ATP6V1C1: variants seen among roughly 807,000 people sequenced by gnomAD.
ATP6V1C1 encodes the protein ATPase H+ transporting V1 subunit C1.
A neutral mutation model predicts 53.9 loss-of-function variants in ATP6V1C1; 45 were observed. The observed-to-expected ratio is 0.83, with a 90% CI of 0.66 to 1.07. The LOEUF (loss-of-function observed/expected upper bound fraction) is 1.07. Among genes scored for constraint, ATP6V1C1 ranks in the 50% least tolerant of loss-of-function variants. ATP6V1C1 has a pLI of 0.00. For synonymous variants in ATP6V1C1, 153 were observed against 155.2 expected (o/e 0.99, Z 0.11); for missense variants, 315 against 440.3 (o/e 0.72, Z 2.55).
chr8:103,042,465 A>G (rs113025588), intron 3 of ATP6V1C1, 58 bp downstream of exon 3: 10 of 1,535,880 alleles, frequency 6.5e-6, no homozygotes, highest in African/African-American at 5.5e-5. Context: ...ATCAGGCTTC[A>G]TGGACACTGG....
chr8:103,055,099 A>G (rs2131397821), intron 7 of ATP6V1C1, among the ~76,000 whole-genome samples: 1 of 152,240 alleles, frequency 6.6e-6, no homozygotes, highest in South Asian at 2.1e-4. Flanking sequence ...TGAAACACTG[A>G]TTATTTATAA....
In ATP6V1C1 at chr8:103,062,169, T is replaced by TTTTG. The variant is rs1817411963; in HGVS notation, c.642-783_642-782insGTTT. Among the ~76,000 whole-genome samples, 5 of 128,616 alleles carry TTTTG rather than the reference T, an allele frequency of 3.9e-5. No homozygotes were observed. In the South Asian group the frequency reaches 1.4e-3, roughly 36 times the overall value. 84.4% of individuals were successfully genotyped at this position (128,616 alleles called of 152,430 possible). On this transcript the variant is annotated intron_variant, in intron 8 of 12. Transcript: ENST00000518738. The stretch of plus-strand genomic sequence containing the variant: ...CAGTTGTGTTCATCAGGGTTTTTTT[T>TTTTG]TTTTTTTTTTTTTTTTTTTTTGACA...
At chr8:103,056,039 T>C in intron 8 of ATP6V1C1, 103 bp downstream of exon 8, 2 of 1,122,616 alleles carry the variant, frequency 1.8e-6, no homozygotes, top group Non-Finnish European at 2.6e-6. Flanking sequence ...TGTGATAAAT[T>C]AACCTCATGA....
rs1586328333 is a variant in ATP6V1C1 at position 103,063,395 on chromosome 8, T to A, written c.828+167T>A. 5.5e-6 allele frequency: 3 copies of A among 542,950 alleles called. No homozygotes were observed. In the East Asian group the frequency reaches 9.1e-5, roughly 16 times the overall value. The allele number at this position is 542,950 out of a possible 1,614,324, so 33.6% of individuals were successfully genotyped here. Reference sequence around the variant, plus strand: ...GAATGAATTTCCTCTAAAGCTTAACTGTTCTAGAGATAACTATTCTATTTC... The same window carrying A: ...GAATGAATTTCCTCTAAAGCTTAACAGTTCTAGAGATAACTATTCTATTTC... On this transcript the variant is annotated intron_variant, in intron 10 of 12. Coordinates refer to ENST00000518738, the MANE Select transcript of ATP6V1C1 (RefSeq NM_001695.5).
chr8:103,068,849 C>A lies in ATP6V1C1; in HGVS notation c.*102C>A, dbSNP rs770430487. ...TTTTAACTCTAGTATCCTTTGCTTG[C>A]TTCTTACGCCCTTTCCTAGGTGAAT... On this transcript the variant is annotated 3_prime_UTR_variant, in exon 13 of 13. Coordinates refer to ENST00000518738, the MANE Select transcript of ATP6V1C1 (RefSeq NM_001695.5). 1.0e-5 allele frequency: 9 copies of A among 902,262 alleles called. No individual in the cohort carries two copies. Among genetic ancestry groups the A allele is most frequent in the Non-Finnish European group, 1.4e-5 (9 of 623,284 alleles). 55.9% of individuals were successfully genotyped at this position (902,262 alleles called of 1,614,324 possible).
intron 8 of ATP6V1C1, among the ~76,000 whole-genome samples, chr8:103,061,368 C>T (rs1298187380): frequency 6.6e-6 from 1 of 152,212 alleles, no homozygotes; most frequent in Non-Finnish European, 1.5e-5. Context: ...CTGTGATTAA[C>T]ACTGTAATTG....
chr8:103,071,070 C>T lies in ATP6V1C1; in HGVS notation c.*2323C>T, dbSNP rs1817579025. ...ATCCAGATCCACATCATTGTAGAGT[C>T]TGAGGGTTAGAAGGAAGTCATTGTG... On this transcript the variant is annotated 3_prime_UTR_variant, in exon 13 of 13. Coordinates refer to ENST00000518738, the MANE Select transcript of ATP6V1C1 (RefSeq NM_001695.5). 6.6e-6 allele frequency: 1 copy of T among 152,210 alleles called. No homozygotes were observed. Among genetic ancestry groups the T allele is most frequent in the African/African-American group, 2.4e-5 (1 of 41,434 alleles). 9.4% of individuals were successfully genotyped at this position (152,210 alleles called of 1,614,324 possible).
At chr8:103,053,000 T>A (rs761646278) in intron 6 of ATP6V1C1, among the ~76,000 whole-genome samples, 178 bp downstream of exon 6, 6 of 151,982 alleles carry the variant, frequency 3.9e-5, no homozygotes, top group Non-Finnish European at 5.9e-5. Flanking sequence ...TTCAGACTAG[T>A]CCAAACAGAT....
At chr8:103,059,252 T>C (rs1817349470) in intron 8 of ATP6V1C1, among the ~76,000 whole-genome samples, 1 of 152,144 alleles carries the variant, frequency 6.6e-6, no homozygotes, top group Admixed American at 6.5e-5. Flanking sequence ...TCAGTACCAC[T>C]TCAACCACAC....
rs35259661 is a variant in ATP6V1C1 at position 103,030,767 on chromosome 8, T to TG, written c.-40+9550dup. ...CAGAGAAATAAACACCAGAAACTTA[T>TG]GGGGGGGGTCTCTGCAGGAGATCTA... On this transcript the variant is annotated intron_variant, in intron 1 of 12. Coordinates refer to ENST00000518738, the MANE Select transcript of ATP6V1C1 (RefSeq NM_001695.5). 6.2e-3 allele frequency among the ~76,000 whole-genome samples: 947 copies of TG among 151,738 alleles called. 2 individuals are homozygous for TG. Among genetic ancestry groups the TG allele is most frequent in the East Asian group, 0.014 (73 of 5,166 alleles).
At chr8:103,045,799 G>A (rs912971457) in intron 3 of ATP6V1C1, among the ~76,000 whole-genome samples, 1 of 152,120 alleles carries the variant, frequency 6.6e-6, no homozygotes, top group African/African-American at 2.4e-5. Context: ...AAATTATCCA[G>A]GTGTGGTGGC....
At position 103,068,814 on chromosome 8, in the gene ATP6V1C1, A is replaced by G. The variant is rs866406543; in HGVS notation, c.*67A>G. On this transcript the variant is annotated 3_prime_UTR_variant, in exon 13 of 13. Coordinates refer to ENST00000518738, the MANE Select transcript of ATP6V1C1 (RefSeq NM_001695.5). ...TGTGCTAACAGAAATAAGTTGCAGT[A>G]TGGTCGTACTTTTAACTCTAGTATC... is the stretch of plus-strand genomic sequence containing the variant. 1 of 1,405,660 alleles carries G rather than the reference A, an allele frequency of 7.1e-7. No individual in the cohort carries two copies. The highest frequency in any genetic ancestry group is 1.3e-5 in the South Asian group (1 of 79,574). The allele number at this position is 1,405,660 out of a possible 1,614,324, so 87.1% of individuals were successfully genotyped here.
intron 8 of ATP6V1C1, among the ~76,000 whole-genome samples, chr8:103,059,100 C>T (rs989151531): frequency 1.3e-5 from 2 of 151,902 alleles, no homozygotes; most frequent in Non-Finnish European, 2.9e-5. Context: ...ATGGATGCTT[C>T]ACAGAGGTTT....
rs1372267961 is a variant in ATP6V1C1 at position 103,055,765 on chromosome 8, A to G, written c.573-103A>G. 8.4e-6 allele frequency: 9 copies of G among 1,068,686 alleles called. No individual in the cohort carries two copies. The South Asian group carries it at 1.0e-4, about 12-fold the overall frequency. 66.2% of individuals were successfully genotyped at this position (1,068,686 alleles called of 1,614,324 possible). A position where few individuals can be genotyped will look rare whatever the true frequency, so the allele number is the denominator to read the frequency against. ...TAAATAGAGTTGAAGTATACTTACT[A>G]TAGCCAGATTTCCTATTTGTCTCAT... On this transcript the variant is annotated intron_variant, in intron 7 of 12. Transcript: ENST00000518738.
intron 3 of ATP6V1C1, 71 bp from the exon 4 acceptor site, chr8:103,048,799 T>C (rs1817149344): frequency 7.7e-7 from 1 of 1,291,834 alleles, no homozygotes; most frequent in Admixed American, 1.8e-5. Flanking sequence ...CTTTATGTAA[T>C]ATGTTCATTG....
At chr8:103,057,762 A>G (rs1405761792) in intron 8 of ATP6V1C1, among the ~76,000 whole-genome samples, 1 of 152,192 alleles carries the variant, frequency 6.6e-6, no homozygotes, top group East Asian at 1.9e-4. Flanking sequence ...ATACAAGATA[A>G]TGTTACTGTA....
rs1192176902 is a variant in ATP6V1C1 at position 103,069,615 on chromosome 8, C to A, written c.*868C>A. 1 of 152,036 alleles carries A rather than the reference C, an allele frequency of 6.6e-6. No homozygotes were observed. Among genetic ancestry groups the A allele is most frequent in the East Asian group, 1.9e-4 (1 of 5,194 alleles). The allele number at this position is 152,036 out of a possible 1,614,324, so 9.4% of individuals were successfully genotyped here. On this transcript the variant is annotated 3_prime_UTR_variant, in exon 13 of 13. Transcript: ENST00000518738. The stretch of plus-strand genomic sequence containing the variant: ...AAGTCTGTATTTTATGTGTTGTCTT[C>A]TTAAGATCTATAATTTTGGCATTTA...
Position 103,067,618 on chromosome 8 carries a change from C to G in ATP6V1C1, c.1054-1034C>G, listed in dbSNP as rs1180116993. ...TTTTTCTTTTTTTTTTTTTTTTTTTCGAGATGGAGTTTCGCTCTTTTGCCC... is the reference window on the plus strand; with the variant it reads ...TTTTTCTTTTTTTTTTTTTTTTTTTGGAGATGGAGTTTCGCTCTTTTGCCC... On this transcript the variant is annotated intron_variant, in intron 12 of 12. Transcript: ENST00000518738. 1.2e-4 allele frequency among the ~76,000 whole-genome samples: 7 copies of G among 60,844 alleles called. No individual in the cohort carries two copies. The Admixed American group carries it at 1.2e-3, about 11-fold the overall frequency. The allele number at this position is 60,844 out of a possible 152,430, so 39.9% of individuals were successfully genotyped here.
At chr8:103,039,972 C>T (rs1382123567) in intron 1 of ATP6V1C1, among the ~76,000 whole-genome samples, 1 of 151,708 alleles carries the variant, frequency 6.6e-6, no homozygotes, top group Non-Finnish European at 1.5e-5. Context: ...GAGGAGATTT[C>T]TCTAGGTTGA....
Sources: allele counts gnomAD v4.1 joint callset (sites outside exome capture counted in the v4.1 genomes callset), GRCh38; gene constraint gnomAD v4.1.1; transcripts MANE v1.5; gene names NCBI Gene and HGNC (gene_info 2026-07-23, HGNC 2026-07-21).